EPHA6: variants seen among roughly 807,000 people sequenced by gnomAD.
EPHA6 encodes the protein EPH receptor A6, also known as ephrin type-A receptor 6.
Under a neutral mutation model 112.0 loss-of-function variants are expected in EPHA6, and 50 were observed. The ratio of observed to expected loss-of-function variants is 0.45; its 90% CI spans 0.36 to 0.56. The LOEUF (loss-of-function observed/expected upper bound fraction) is 0.56, where lower values mean the gene tolerates loss of function less well. Among genes scored for constraint, EPHA6 ranks in the 20% least tolerant of loss-of-function variants. The pLI is 0.00. For synonymous variants in EPHA6, 529 were observed against 490.7 expected, an observed-to-expected ratio of 1.08 and a Z score of -1.03; for missense variants, 1,280 against 1,417.4, an observed-to-expected ratio of 0.90 and a Z score of 1.56.
intron 5 of EPHA6, among the ~76,000 whole-genome samples, chr3:97,255,325 C>G (rs1485790716): frequency 1.3e-5 from 2 of 152,098 alleles, no homozygotes; most frequent in Admixed American, 1.3e-4. Flanking sequence ...GTGCTTTCAC[C>G]ATGGTCATTC....
At chr3:97,681,436 G>A (rs2031854039) in intron 14 of EPHA6, among the ~76,000 whole-genome samples, 1 of 151,996 alleles carries the variant, frequency 6.6e-6, no homozygotes, top group African/African-American at 2.4e-5. Context: ...ATTTATGATA[G>A]AGAAAAATCG....
At chr3:96,975,630 G>A (rs80130568) in intron 2 of EPHA6, among the ~76,000 whole-genome samples, 2,109 of 152,204 alleles carry the variant, frequency 0.014, 60 homozygotes, top group African/African-American at 0.048. Flanking sequence ...TAACCTTGTA[G>A]TACATGAAAG....
chr3:97,234,992 A>C (rs555719695), intron 4 of EPHA6, among the ~76,000 whole-genome samples: 1 of 152,066 alleles, frequency 6.6e-6, no homozygotes, highest in South Asian at 2.1e-4. Flanking sequence ...ACTTGTGTTC[A>C]TTCTCAGTGC....
At chr3:97,509,022 T>TTTTTTTG (rs2092314082) in intron 10 of EPHA6, among the ~76,000 whole-genome samples, 1 of 127,392 alleles carries the variant, frequency 7.8e-6, no homozygotes, top group African/African-American at 3.2e-5. Flanking sequence ...TTTTTTTTTT[T>TTTTTTTG]GCTTTCCATT....
intron 9 of EPHA6, among the ~76,000 whole-genome samples, chr3:97,482,041 TAAG>T (rs965447231): frequency 1.3e-5 from 2 of 152,212 alleles, no homozygotes; most frequent in Non-Finnish European, 2.9e-5. Context: ...AACTGATGTT[TAAG>T]AAGACGTTGA....
At chr3:97,180,394 G>A (rs2076955215) in intron 3 of EPHA6, among the ~76,000 whole-genome samples, 1 of 152,050 alleles carries the variant, frequency 6.6e-6, no homozygotes, top group East Asian at 1.9e-4. Flanking sequence ...GGTCATGCTG[G>A]TACCTAAGGT....
intron 6 of EPHA6, among the ~76,000 whole-genome samples, chr3:97,423,089 G>A (rs77889373): frequency 0.028 from 4,287 of 152,200 alleles, 189 homozygotes; most frequent in African/African-American, 0.095. Context: ...CTTGAGAACC[G>A]GAACAAGACA....
intron 2 of EPHA6, among the ~76,000 whole-genome samples, chr3:96,973,589 A>C (rs9854822): frequency 2.0e-4 from 30 of 151,874 alleles, no homozygotes; most frequent in African/African-American, 6.8e-4. Context: ...TGGGAGGCTG[A>C]GGGGGGCGGA....
chr3:97,140,008 AAG>A (rs981787663), intron 3 of EPHA6, among the ~76,000 whole-genome samples: 3 of 152,154 alleles, frequency 2.0e-5, no homozygotes, highest in Non-Finnish European at 2.9e-5. Flanking sequence ...TGTTAAAAAA[AAG>A]AGAGTGTCTG....
chr3:97,450,203 A>G, intron 7 of EPHA6, among the ~76,000 whole-genome samples: 1 of 152,154 alleles, frequency 6.6e-6, no homozygotes, highest in Non-Finnish European at 1.5e-5. Context: ...AAAATATCAA[A>G]AGATTTGTCC....
At chr3:97,239,797 A>G (rs1203338563) in intron 4 of EPHA6, among the ~76,000 whole-genome samples, 1 of 151,776 alleles carries the variant, frequency 6.6e-6, no homozygotes, top group African/African-American at 2.4e-5. Flanking sequence ...ACTTTTATTG[A>G]AAAAGATTCC....
At chr3:97,539,114 T>TTCTC (rs1322039979) in intron 11 of EPHA6, among the ~76,000 whole-genome samples, 1 of 149,400 alleles carries the variant, frequency 6.7e-6, no homozygotes, top group African/African-American at 2.5e-5. Context: ...CTTTCTTTCT[T>TTCTC]TCTTTCTTTC....
rs538218797 is a variant in EPHA6 at position 96,904,221 on chromosome 3, T to C, written c.450+37332T>C. Among the ~76,000 whole-genome samples the C allele has an allele frequency of 2.9e-3, 443 of 151,982 alleles. 4 individuals carry two copies. Among genetic ancestry groups the C allele is most frequent in the African/African-American group, 9.8e-3 (405 of 41,448 alleles). On this transcript the variant is annotated intron_variant, in intron 2 of 17. Coordinates refer to ENST00000389672, the MANE Select transcript of EPHA6 (RefSeq NM_001080448.3). ...TGGAACCAACCCAAATGTCCAACAATGATAGACTGGATTAAGAAAATGTGG... is the reference window on the plus strand; with the variant it reads ...TGGAACCAACCCAAATGTCCAACAACGATAGACTGGATTAAGAAAATGTGG...
chr3:96,911,475 C>G (rs1305071080), intron 2 of EPHA6, among the ~76,000 whole-genome samples: 4 of 151,820 alleles, frequency 2.6e-5, no homozygotes, highest in Non-Finnish European at 5.9e-5. Flanking sequence ...AAAATGCAGA[C>G]AAGCTTTAAG....
At chr3:97,261,310 T>C (rs567900160) in intron 5 of EPHA6, among the ~76,000 whole-genome samples, 3 of 152,288 alleles carry the variant, frequency 2.0e-5, no homozygotes, top group African/African-American at 7.2e-5. Context: ...TCTTGGTACC[T>C]ATATGGTAGA....
chr3:96,991,013 A>G (rs150175004), intron 3 of EPHA6, among the ~76,000 whole-genome samples: 25 of 150,854 alleles, frequency 1.7e-4, no homozygotes, highest in African/African-American at 6.0e-4. Context: ...TTTTAGAGAC[A>G]GGGTCTTATT....
At position 97,300,946 on chromosome 3, in the gene EPHA6, C is replaced by T. The variant is rs116555275; in HGVS notation, c.1606+56659C>T. ...GTGAGAGTCCTGAAATGATATGCTC[C>T]CTCTCATTAAGCTGCACAGAAAACA... On this transcript the variant is annotated intron_variant, in intron 5 of 17. Coordinates refer to ENST00000389672, the MANE Select transcript of EPHA6 (RefSeq NM_001080448.3). Among the ~76,000 whole-genome samples the T allele has an allele frequency of 3.8e-3, 575 of 152,186 alleles. 3 individuals are homozygous for T. Among genetic ancestry groups the T allele is most frequent in the African/African-American group, 0.012 (509 of 41,528 alleles).
At chr3:97,269,190 A>T (rs2079799180) in intron 5 of EPHA6, among the ~76,000 whole-genome samples, 1 of 152,174 alleles carries the variant, frequency 6.6e-6, no homozygotes, top group Non-Finnish European at 1.5e-5. Flanking sequence ...CAAGCTAAGT[A>T]TTGCGGAGGA....
intron 10 of EPHA6, among the ~76,000 whole-genome samples, chr3:97,522,662 G>C (rs2092561979): frequency 6.6e-6 from 1 of 152,160 alleles, no homozygotes; most frequent in Non-Finnish European, 1.5e-5. Context: ...CTGCTGTGAA[G>C]TAATAAAGTC....
Sources: gnomAD v4.1 joint callset for allele counts (sites outside exome capture counted in the v4.1 genomes callset) on GRCh38, gnomAD v4.1.1 for gene constraint, MANE v1.5 for transcripts, NCBI Gene and HGNC (gene_info 2026-07-23, HGNC 2026-07-21) for gene names.